SPAG16: variants seen among roughly 807,000 people sequenced by gnomAD.
SPAG16 encodes sperm-associated antigen 16 protein.
Under a neutral mutation model 80.4 loss-of-function variants are expected in SPAG16, and 86 were observed. The observed-to-expected ratio is 1.07, with a 90% CI of 0.90 to 1.28. SPAG16 has a LOEUF of 1.28. Among genes scored for constraint, SPAG16 ranks in the 50% most tolerant of loss-of-function variants. The pLI is 0.00. For synonymous variants in SPAG16, 294 were observed against 265.9 expected (o/e 1.11, Z -1.03); for missense variants, 870 against 765.3 (o/e 1.14, Z -1.61).
At chr2:214,405,638 A>T (rs1701954074) in intron 15 of SPAG16, among the ~76,000 whole-genome samples, 1 of 152,148 alleles carries the variant, frequency 6.6e-6, no homozygotes. Flanking sequence ...TCTACTAAAA[A>T]TACAAAAAAT....
At chr2:213,503,547 C>T (rs1188814630) in intron 10 of SPAG16, among the ~76,000 whole-genome samples, 5 of 152,066 alleles carry the variant, frequency 3.3e-5, no homozygotes, top group African/African-American at 7.2e-5. Context: ...TCAACCTTTT[C>T]TTTTTGGAGA....
chr2:213,919,417 C>A (rs989711072), intron 11 of SPAG16, among the ~76,000 whole-genome samples: 8 of 152,172 alleles, frequency 5.3e-5, no homozygotes, highest in Admixed American at 1.3e-4. Flanking sequence ...TTGATGTGGG[C>A]ATTTAGTGCT....
intron 10 of SPAG16, among the ~76,000 whole-genome samples, chr2:213,718,692 T>A (rs879146808): frequency 1.3e-5 from 2 of 152,212 alleles, no homozygotes; most frequent in Admixed American, 1.3e-4. Context: ...ACCTGCGCTG[T>A]GCTCGATTTC....
intron 9 of SPAG16, among the ~76,000 whole-genome samples, chr2:213,407,608 A>AGT (rs1198781943): frequency 2.6e-5 from 3 of 114,800 alleles, no homozygotes; most frequent in Admixed American, 1.8e-4. Context: ...AGAGAGAGAG[A>AGT]GAGAGAGAGA....
At chr2:213,414,953 A>G (rs1346503612) in intron 9 of SPAG16, among the ~76,000 whole-genome samples, 2 of 152,240 alleles carry the variant, frequency 1.3e-5, no homozygotes, top group Non-Finnish European at 2.9e-5. Context: ...GAAGATGCCA[A>G]AATGGAAACC....
In SPAG16 at chr2:213,547,561, T is replaced by C. The variant is rs139878499; in HGVS notation, c.1070+57471T>C. 3.4e-3 allele frequency among the ~76,000 whole-genome samples: 515 copies of C among 152,292 alleles called. 2 individuals carry two copies. Among genetic ancestry groups the C allele is most frequent in the Non-Finnish European group, 5.7e-3 (391 of 68,000 alleles). Reference sequence around the variant, plus strand: ...AACAGTGTAATTGATTTTTAAATCATGACATTTTAAATCATGGTATACAGA... The same window carrying C: ...AACAGTGTAATTGATTTTTAAATCACGACATTTTAAATCATGGTATACAGA... On this transcript the variant is annotated intron_variant, in intron 10 of 15. Transcript: ENST00000331683.
chr2:213,665,353 A>G (rs2063563421), intron 10 of SPAG16, among the ~76,000 whole-genome samples: 1 of 152,094 alleles, frequency 6.6e-6, no homozygotes, highest in African/African-American at 2.4e-5. Flanking sequence ...TATGATATTA[A>G]GTATTCCATG....
chr2:214,313,879 A>G (rs1695501906), intron 15 of SPAG16, among the ~76,000 whole-genome samples: 1 of 152,080 alleles, frequency 6.6e-6, no homozygotes, highest in Non-Finnish European at 1.5e-5. Context: ...CAACTAAACA[A>G]TGGCTCGTAT....
chr2:213,493,961 G>A (rs867192728), intron 10 of SPAG16, among the ~76,000 whole-genome samples: 1 of 152,054 alleles, frequency 6.6e-6, no homozygotes, highest in South Asian at 2.1e-4. Flanking sequence ...TTCCTCTCCT[G>A]AAACTGCTCT....
At chr2:213,316,486 T>C (rs984672417) in intron 4 of SPAG16, among the ~76,000 whole-genome samples, 5 of 152,048 alleles carry the variant, frequency 3.3e-5, no homozygotes, top group Admixed American at 1.3e-4. Context: ...CAGTGTCACT[T>C]ATCTCAAAAC....
chr2:213,806,479 T>C (rs2071775639), intron 10 of SPAG16, among the ~76,000 whole-genome samples: 1 of 152,138 alleles, frequency 6.6e-6, no homozygotes, highest in Non-Finnish European at 1.5e-5. Context: ...TAAATGAGAT[T>C]TTGGAATTAA....
At chr2:214,123,241 C>T (rs541528894) in intron 14 of SPAG16, among the ~76,000 whole-genome samples, 1 of 151,766 alleles carries the variant, frequency 6.6e-6, no homozygotes, top group South Asian at 2.1e-4. Flanking sequence ...AAAAATGATA[C>T]ATTTAAGATT....
intron 6 of SPAG16, among the ~76,000 whole-genome samples, chr2:213,341,493 C>T (rs2064684603): frequency 6.6e-6 from 1 of 151,930 alleles, no homozygotes; most frequent in Non-Finnish European, 1.5e-5. Flanking sequence ...AATTTTTCAA[C>T]TAGTTTGATA....
chr2:214,069,362 G>A (rs962368827), intron 13 of SPAG16, among the ~76,000 whole-genome samples: 8 of 152,056 alleles, frequency 5.3e-5, no homozygotes, highest in Admixed American at 4.6e-4. Context: ...TATTTCAACC[G>A]GAGCGATGTC....
At chr2:213,809,749 A>T (rs542576884) in intron 10 of SPAG16, among the ~76,000 whole-genome samples, 1 of 152,334 alleles carries the variant, frequency 6.6e-6, no homozygotes, top group African/African-American at 2.4e-5. Flanking sequence ...ACTTTTATTT[A>T]GGGGGAGACA....
rs115114968 is a variant in SPAG16 at position 214,011,632 on chromosome 2, G to T, written c.1401-2319G>T. On this transcript the variant is annotated intron_variant, in intron 12 of 15. Coordinates refer to ENST00000331683, the MANE Select transcript of SPAG16 (RefSeq NM_024532.5). ...AGCAGTCAGTTCTGGGTCGTGGTTTGTTGACCCCTGGTATACACATCATCA... is the reference window on the plus strand; with the variant it reads ...AGCAGTCAGTTCTGGGTCGTGGTTTTTTGACCCCTGGTATACACATCATCA... Among the ~76,000 whole-genome samples, 1,331 of 152,258 alleles carry T rather than the reference G, an allele frequency of 8.7e-3. 18 individuals are homozygous for T. The highest frequency in any genetic ancestry group is 0.03 in the African/African-American group (1,238 of 41,542).
At chr2:214,228,184 T>C (rs1295490264) in intron 15 of SPAG16, among the ~76,000 whole-genome samples, 1 of 151,964 alleles carries the variant, frequency 6.6e-6, no homozygotes, top group East Asian at 1.9e-4. Context: ...CTTAAGAACT[T>C]AGTACAATTG....
In SPAG16 at chr2:214,233,129, A is replaced by AG. The variant is rs1345191381; in HGVS notation, c.1720+83870dup. On this transcript the variant is annotated intron_variant, in intron 15 of 15. Transcript: ENST00000331683. ...AAGAGCTTCACAGCAAGTCAAAAAA[A>AG]GGGGGGGCCATAAGTGTTAGCATAG... Among the ~76,000 whole-genome samples the AG allele has an allele frequency of 5.9e-5, 9 of 152,082 alleles. No homozygotes were observed. The East Asian group carries it at 1.2e-3, about 20-fold the overall frequency.
intron 15 of SPAG16, among the ~76,000 whole-genome samples, chr2:214,176,966 T>G (rs1021874653): frequency 1.3e-5 from 2 of 151,262 alleles, no homozygotes; most frequent in Admixed American, 6.6e-5. Context: ...AAAAAATTTC[T>G]ATTTGTGGTA....
Sources: gnomAD v4.1 joint callset for allele counts (sites outside exome capture counted in the v4.1 genomes callset) on GRCh38, gnomAD v4.1.1 for gene constraint, MANE v1.5 for transcripts, NCBI Gene and HGNC (gene_info 2026-07-23, HGNC 2026-07-21) for gene names.